Variants in FUT8 observed in about 807,000 individuals in gnomAD.
FUT8 encodes fucosyltransferase 8.
A neutral mutation model predicts 71.3 loss-of-function variants in FUT8; 29 were observed. The ratio of observed to expected loss-of-function variants is 0.41; its 90% confidence interval spans 0.30 to 0.55. FUT8 has a LOEUF of 0.55. FUT8 is among the 20% of genes least tolerant of loss of function. FUT8 has a pLI of 0.34. For missense variants in FUT8, 544 were observed against 702.1 expected (o/e 0.77, Z 2.55); for synonymous variants, 254 against 239.3 (o/e 1.06, Z -0.57).
chr14:65,598,763 A>C (rs907303802), intron 3 of FUT8, among the ~76,000 whole-genome samples: 1 of 152,140 alleles, frequency 6.6e-6, no homozygotes, highest in African/African-American at 2.4e-5. Flanking sequence ...GTTAAGTAAA[A>C]ATTTACAAAT....
At chr14:65,499,846 G>T (rs988765906) in intron 2 of FUT8, among the ~76,000 whole-genome samples, 1 of 150,780 alleles carries the variant, frequency 6.6e-6, no homozygotes, top group Non-Finnish European at 1.5e-5. Context: ...CCAGCAAATA[G>T]TATGTGTTGA....
At chr14:65,634,092 G>T (rs1890401188) in intron 6 of FUT8, among the ~76,000 whole-genome samples, 1 of 152,222 alleles carries the variant, frequency 6.6e-6, no homozygotes, top group African/African-American at 2.4e-5. Context: ...AACGGGCCAT[G>T]ATGACAATGG....
chr14:65,395,784 T>C, the FUT8 span, among the ~76,000 whole-genome samples: 1 of 152,392 alleles, frequency 6.6e-6, no homozygotes, highest in African/African-American at 2.4e-5. Flanking sequence ...TGCAGCCAGC[T>C]TGAATTTCTC....
At chr14:65,525,451 TCTTTA>T (rs1435217388) in intron 2 of FUT8, among the ~76,000 whole-genome samples, 1 of 152,254 alleles carries the variant, frequency 6.6e-6, no homozygotes, top group African/African-American at 2.4e-5. Context: ...GATTCTTCTC[TCTTTA>T]CTTCTTTATT....
intron 6 of FUT8, among the ~76,000 whole-genome samples, chr14:65,665,932 G>T (rs1892190626): frequency 6.6e-6 from 1 of 152,084 alleles, no homozygotes; most frequent in African/African-American, 2.4e-5. Flanking sequence ...GCCTATCGGA[G>T]GGTGGACAAT....
chr14:65,568,251 C>G (rs1384529771), intron 3 of FUT8, among the ~76,000 whole-genome samples: 1 of 151,592 alleles, frequency 6.6e-6, no homozygotes, highest in Non-Finnish European at 1.5e-5. Context: ...ACTTGTATAT[C>G]TATAGTAATG....
At chr14:65,691,356 G>GT (rs1454148595) in intron 7 of FUT8, among the ~76,000 whole-genome samples, 1 of 151,234 alleles carries the variant, frequency 6.6e-6, no homozygotes, top group African/African-American at 2.5e-5. Flanking sequence ...AAGGTATCAA[G>GT]TTTCTCACCA....
chr14:65,473,436 G>T (rs563480023), intron 2 of FUT8, among the ~76,000 whole-genome samples: 110 of 152,196 alleles, frequency 7.2e-4, no homozygotes, highest in African/African-American at 2.6e-3. Flanking sequence ...AACGGGATTA[G>T]AAATTTTTTC....
chr14:65,499,430 A>G (rs906065019), intron 2 of FUT8, among the ~76,000 whole-genome samples: 65 of 152,174 alleles, frequency 4.3e-4, no homozygotes, highest in Admixed American at 7.9e-4. Context: ...TAAGTAGTAC[A>G]TGGGGCAAAT....
chr14:65,698,578 TTAAA>T (rs1206896460), intron 7 of FUT8, among the ~76,000 whole-genome samples: 31 of 152,212 alleles, frequency 2.0e-4, no homozygotes, highest in Admixed American at 1.6e-3. Flanking sequence ...GTTAAAGTTC[TTAAA>T]TAAAGGTAGA....
chr14:65,508,249 A>G (rs1882062982), intron 2 of FUT8, among the ~76,000 whole-genome samples: 1 of 150,834 alleles, frequency 6.6e-6, no homozygotes, highest in Admixed American at 6.6e-5. Flanking sequence ...TTGTTTTTGT[A>G]TTTTAGTAGA....
At chr14:65,584,217 C>T (rs1270714625) in intron 3 of FUT8, among the ~76,000 whole-genome samples, 1 of 148,308 alleles carries the variant, frequency 6.7e-6, no homozygotes, top group Non-Finnish European at 1.5e-5. Flanking sequence ...TCACTCTTGT[C>T]GCCCAAGCTG....
intron 7 of FUT8, among the ~76,000 whole-genome samples, chr14:65,677,116 G>T (rs1371971093): frequency 7.4e-5 from 6 of 80,684 alleles, no homozygotes; most frequent in African/African-American, 2.8e-4. Context: ...AGACATATTT[G>T]TGTGTGTGTG....
intron 10 of FUT8, among the ~76,000 whole-genome samples, chr14:65,733,957 G>A (rs1896099405): frequency 6.6e-6 from 1 of 152,218 alleles, no homozygotes; most frequent in South Asian, 2.1e-4. Context: ...TATGGGTTTG[G>A]TGTATGTGTT....
At chr14:65,661,025 GCAGA>G (rs1343058205) in intron 6 of FUT8, among the ~76,000 whole-genome samples, 1 of 152,168 alleles carries the variant, frequency 6.6e-6, no homozygotes, top group Non-Finnish European at 1.5e-5. Context: ...TCTGATTAGA[GCAGA>G]CAAAGAGCAC....
chr14:65,633,134 T>C (rs1204043066), intron 6 of FUT8, among the ~76,000 whole-genome samples: 1 of 151,950 alleles, frequency 6.6e-6, no homozygotes, highest in Non-Finnish European at 1.5e-5. Flanking sequence ...TTCTCCTGCC[T>C]CAGCCTGCCG....
intron 6 of FUT8, among the ~76,000 whole-genome samples, chr14:65,633,360 G>C (rs1252561315): frequency 6.6e-6 from 1 of 152,002 alleles, no homozygotes; most frequent in Admixed American, 6.5e-5. Context: ...GCGTGATCTC[G>C]GCTCGCTACA....
chr14:65,470,352 A>G (rs1405531210), intron 2 of FUT8, among the ~76,000 whole-genome samples: 1 of 152,032 alleles, frequency 6.6e-6, no homozygotes. Flanking sequence ...GGGTTGGGGG[A>G]CAGGGCTCCT....
chr14:65,717,540 C>T (rs370471219), intron 7 of FUT8, among the ~76,000 whole-genome samples: 12 of 130,974 alleles, frequency 9.2e-5, no homozygotes, highest in East Asian at 2.5e-4. Context: ...CGGGCAGAGG[C>T]GCTCCTCACA....
Sources: gnomAD v4.1 joint callset for allele counts (sites outside exome capture counted in the v4.1 genomes callset) on GRCh38, gnomAD v4.1.1 for gene constraint, MANE v1.5 for transcripts, NCBI Gene and HGNC (gene_info 2026-07-23, HGNC 2026-07-21) for gene names.